Variants in RYR3 observed in about 807,000 individuals in gnomAD.
RYR3 encodes the protein ryanodine receptor 3, also known as brain ryanodine receptor-calcium release channel.
Under a neutral mutation model 584.3 loss-of-function variants are expected in RYR3, and 207 were observed. That is an observed-to-expected ratio of 0.35 (90% CI 0.32 to 0.40). The LOEUF (loss-of-function observed/expected upper bound fraction) is 0.40. RYR3 is among the 10% of genes least tolerant of loss of function. RYR3 has a pLI of 1.00. For synonymous variants in RYR3, 2,416 were observed against 2,248.5 expected, an observed-to-expected ratio of 1.07 and a Z score of -2.11; for missense variants, 5,616 against 6,089.2, an observed-to-expected ratio of 0.92 and a Z score of 2.59.
chr15:33,860,822 G>C (rs1291952959), intron 101 of RYR3, among the ~76,000 whole-genome samples, 163 bp downstream of exon 101: 2 of 150,874 alleles, frequency 1.3e-5, no homozygotes, highest in Non-Finnish European at 2.9e-5. Flanking sequence ...CCCCTGCCAG[G>C]CCGGCCACTC....
chr15:33,389,705 A>T (rs2041868072), intron 1 of RYR3, among the ~76,000 whole-genome samples: 1 of 152,250 alleles, frequency 6.6e-6, no homozygotes, highest in African/African-American at 2.4e-5. Context: ...TATAAAATAT[A>T]TATGATCTGG....
At chr15:33,567,416 A>T (rs1456522657) in intron 12 of RYR3, among the ~76,000 whole-genome samples, 1 of 152,222 alleles carries the variant, frequency 6.6e-6, no homozygotes, top group African/African-American at 2.4e-5. Flanking sequence ...CTTCTCTTGT[A>T]GGAAAATCTC....
At chr15:33,397,810 G>A (rs1293518706) in intron 1 of RYR3, among the ~76,000 whole-genome samples, 1 of 152,106 alleles carries the variant, frequency 6.6e-6, no homozygotes, top group Non-Finnish European at 1.5e-5. Context: ...TATTCTGTCA[G>A]TCTTACGATC....
At chr15:33,389,441 T>A (rs1008529733) in intron 1 of RYR3, among the ~76,000 whole-genome samples, 1 of 152,208 alleles carries the variant, frequency 6.6e-6, no homozygotes. Context: ...TACTAGGGAA[T>A]AACAGCAGCT....
chr15:33,684,009 A>G (rs765984386), intron 38 of RYR3, among the ~76,000 whole-genome samples: 1 of 152,260 alleles, frequency 6.6e-6, no homozygotes, highest in Non-Finnish European at 1.5e-5. Context: ...AGCCCACCAC[A>G]GCTCAGCAAG....
rs1298899418 is a variant in RYR3 at position 33,815,760 on chromosome 15, A to C, written c.10503-1102A>C. ...CAGAATCTCCCAAACTAAAGGGCTAAAGGGATTTGTTTTATTATGGGAAAC... is the reference window on the plus strand; with the variant it reads ...CAGAATCTCCCAAACTAAAGGGCTACAGGGATTTGTTTTATTATGGGAAAC... On this transcript the variant is annotated intron_variant, in intron 74 of 103. Transcript: ENST00000634891. The C allele has an allele frequency of 1.0e-5, 4 of 397,384 alleles. No homozygotes were observed. The South Asian group carries it at 5.2e-4, about 52-fold the overall frequency. 24.6% of individuals were successfully genotyped at this position (397,384 alleles called of 1,614,324 possible).
intron 60 of RYR3, among the ~76,000 whole-genome samples, chr15:33,760,800 C>G (rs902400129): frequency 6.6e-6 from 1 of 152,186 alleles, no homozygotes. Flanking sequence ...AATATACATT[C>G]TTCTCAGCAC....
rs554458200 is a variant in RYR3, at chr15:33,437,522, A to G, written c.52-35897A>G. Among the ~76,000 whole-genome samples, 6 of 152,350 alleles carry G rather than the reference A, an allele frequency of 3.9e-5. No individual in the cohort carries two copies. The South Asian group carries it at 8.3e-4, about 21-fold the overall frequency. The stretch of plus-strand genomic sequence containing the variant: ...ATTTTATTGTATAAAACTGTTATAT[A>G]TACTACTCTTACCTGAAAGGAGGCT... On this transcript the variant is annotated intron_variant, in intron 1 of 103. Coordinates refer to ENST00000634891, the MANE Select transcript of RYR3 (RefSeq NM_001036.6).
intron 3 of RYR3, among the ~76,000 whole-genome samples, chr15:33,516,220 G>C (rs989714286): frequency 6.6e-6 from 1 of 151,794 alleles, no homozygotes; most frequent in Non-Finnish European, 1.5e-5. Flanking sequence ...TTCAATATAG[G>C]CTACTTTAAT....
intron 28 of RYR3, among the ~76,000 whole-genome samples, chr15:33,644,794 C>G (rs867012515): frequency 1.3e-5 from 2 of 152,178 alleles, no homozygotes; most frequent in South Asian, 2.1e-4. Context: ...TGTTCCTATA[C>G]TGTGTTGTCA....
At chr15:33,617,984 T>C (rs1214977503) in intron 19 of RYR3, among the ~76,000 whole-genome samples, 2 of 152,166 alleles carry the variant, frequency 1.3e-5, no homozygotes, top group African/African-American at 2.4e-5. Flanking sequence ...GTATTCATTA[T>C]AGAATAGAAT....
At chr15:33,831,903 G>A (rs2077701390) in intron 86 of RYR3, among the ~76,000 whole-genome samples, 1 of 152,014 alleles carries the variant, frequency 6.6e-6, no homozygotes. Context: ...TCTGCGCTGT[G>A]GTTCATGAAA....
At chr15:33,551,274 G>A (rs558689836) in intron 10 of RYR3, among the ~76,000 whole-genome samples, 9 of 152,318 alleles carry the variant, frequency 5.9e-5, no homozygotes, top group Admixed American at 3.3e-4. Context: ...TCCTTTGGGA[G>A]CGTCACCTTT....
Position 33,535,474 on chromosome 15 carries a change from G to A in RYR3, c.433+2085G>A, listed in dbSNP as rs569060159. Among the ~76,000 whole-genome samples the A allele has an allele frequency of 1.6e-4, 25 of 152,318 alleles. No individual in the cohort carries two copies. The South Asian group carries it at 5.0e-3, about 30-fold the overall frequency. ...TTCTTTGTTTTCAGCCAAAGTGTTA[G>A]TCTTAAAATATAATTTCCTCTAAGG... is the stretch of plus-strand genomic sequence containing the variant. On this transcript the variant is annotated intron_variant, in intron 5 of 103. Transcript: ENST00000634891.
intron 1 of RYR3, among the ~76,000 whole-genome samples, chr15:33,384,748 C>T (rs1400368779): frequency 1.3e-5 from 2 of 151,856 alleles, no homozygotes; most frequent in Non-Finnish European, 2.9e-5. Flanking sequence ...GTATTGTTAA[C>T]TATAATCACC....
At position 33,750,195 on chromosome 15, in the gene RYR3, G is replaced by A. The variant is rs2071143856; in HGVS notation, c.8308G>A (p.Asp2770Asn). Residue 2770 changes from aspartate (D) to asparagine (N), a missense_variant, in exon 57 of 104, where the codon GAC (aspartate) becomes AAC (asparagine). By Grantham distance (23) the Asp-to-Asn change is conservative (BLOSUM62 1). Around this residue, in one of 9 missense-constraint regions of RYR3, gnomAD observed 1,280 missense variants for 1,426.2 expected, o/e 0.90. Coordinates refer to ENST00000634891, the MANE Select transcript of RYR3 (RefSeq NM_001036.6). The part of the protein sequence containing the change: ...GGSHPLLVPY[D>N]TLTAKEKFKD... ...CAGCCACCCTCTTCTGGTACCATAT[G>A]ACACCTTGACTGCCAAGGAAAAGTT... 1 of 1,609,376 alleles carries A rather than the reference G, an allele frequency of 6.2e-7. No homozygotes were observed. The highest frequency in any genetic ancestry group is 8.5e-7 in the Non-Finnish European group (1 of 1,177,912).
At chr15:33,742,649 T>A (rs116507069) in intron 52 of RYR3, among the ~76,000 whole-genome samples, 1 of 152,236 alleles carries the variant, frequency 6.6e-6, no homozygotes, top group African/African-American at 2.4e-5. Flanking sequence ...TGCTTTTGTA[T>A]TTCTCAAGAA....
chr15:33,363,895 G>A lies in RYR3; in HGVS notation c.51+52799G>A, dbSNP rs1349094340. On this transcript the variant is annotated intron_variant, in intron 1 of 103. Transcript: ENST00000634891. ...TTTAATTAATTTAAATTTAAAAACT[G>A]ATACTGGATCCAGTTACTGGAAAAC... Among the ~76,000 whole-genome samples the A allele has an allele frequency of 5.3e-5, 8 of 152,220 alleles. 1 individual carries two copies. The highest frequency in any genetic ancestry group is 5.2e-4 in the Admixed American group (8 of 15,282).
chr15:33,333,541 T>C (rs951975224), intron 1 of RYR3, among the ~76,000 whole-genome samples: 1 of 152,144 alleles, frequency 6.6e-6, no homozygotes, highest in Non-Finnish European at 1.5e-5. Context: ...TGAAGGAACA[T>C]ACCTCAAAAT....
Sources: gnomAD v4.1 joint callset for allele counts (sites outside exome capture counted in the v4.1 genomes callset) on GRCh38, gnomAD v4.1.1 for gene constraint, gnomAD v4.1.1 regional missense constraint, MANE v1.5 for transcripts, NCBI Gene and HGNC (gene_info 2026-07-23, HGNC 2026-07-21) for gene names.